The following HRC variants were observed in gnomAD, a reference collection of about 807,000 sequenced individuals.
HRC encodes the protein histidine rich calcium binding protein.
HRC carries 41 observed loss-of-function variants against 61.4 expected under a neutral mutation model. That is an observed-to-expected ratio of 0.67 (90% CI 0.52 to 0.87). The LOEUF is 0.87. Ranked by LOEUF, HRC falls within the 40% of genes least tolerant of loss-of-function variation. The pLI, the probability that HRC is intolerant of heterozygous loss-of-function variation, is 0.00. For synonymous variants in HRC, 308 were observed against 326.6 expected (o/e 0.94, Z 0.62); for missense variants, 839 against 885.8 (o/e 0.95, Z 0.67).
In HRC at chr19:49,155,120, G is replaced by T; in HGVS notation, c.118C>A (p.Arg40=). 6.2e-7 allele frequency: 1 copy of T among 1,614,064 alleles called. No individual in the cohort carries two copies. The highest frequency in any genetic ancestry group is 8.5e-7 in the Non-Finnish European group (1 of 1,180,028). The part of the protein sequence containing the change: ...LRGDGLGFRN[R]NNSTGVAGLS... ...CCGGCGACTCCAGTGCTGTTGTTCC[G>T]GTTTCTGAAGCCTAGCCCATCCCCT... Residue 40 remains arginine, a synonymous_variant, in exon 1 of 6, where the codon CGG becomes AGG. Coordinates refer to ENST00000252825, the MANE Select transcript of HRC (RefSeq NM_002152.3). The surrounding 1 kb of genome is among the most constrained non-coding windows in gnomAD (Gnocchi z 4.7).
At position 49,153,520 on chromosome 19, in the gene HRC, T is replaced by C; in HGVS notation, c.1718A>G (p.Glu573Gly). Residue 573 changes from glutamate to glycine, a missense_variant, in exon 1 of 6, where the codon GAG becomes GGG. Physicochemically the swap from Glu to Gly is moderately conservative, Grantham distance 98. Transcript: ENST00000252825. The surrounding 1 kb of genome is among the most constrained non-coding windows in gnomAD (Gnocchi z 4.8). ...CTCATCTTCCTCCAGCCCCTCCTCC[T>C]CCTCCTCTTCCTCCTCGCTGTGGTC... ...SPDHSEEEEE[E>G]EEGLEEDEPR... is the part of the protein sequence containing the mutation. 2 of 1,578,966 alleles carry C rather than the reference T, an allele frequency of 1.3e-6. No homozygotes were observed. Among genetic ancestry groups the C allele is most frequent in the Non-Finnish European group, 1.7e-6 (2 of 1,162,398 alleles).
Position 49,153,630 on chromosome 19 carries a change from T to G in HRC, c.1608A>C (p.Glu536Asp). 6.4e-7 allele frequency: 1 copy of G among 1,555,802 alleles called. No individual in the cohort carries two copies. Among genetic ancestry groups the G allele is most frequent in the South Asian group, 1.1e-5 (1 of 89,516 alleles). ...HGLSLNQEEEEEEDKEEEEEE... is the reference protein window; with the variant it reads ...HGLSLNQEEEDEEDKEEEEEE... ...CCTCCTCCTCCTCCTTGTCTTCCTC[T>G]TCTTCCTCCTCCTGGTTCAGGCTGA... Residue 536 changes from glutamate (E) to aspartate (D), a missense_variant, in exon 1 of 6, where the codon GAA becomes GAC. Transcript: ENST00000252825. This position sits in a 1 kb window ranked among gnomAD's most constrained non-coding sequence, Gnocchi z 4.8.
At position 49,155,167 on chromosome 19, in the gene HRC, G is replaced by T; in HGVS notation, c.71C>A (p.Pro24Gln). 1.2e-6 allele frequency: 2 copies of T among 1,610,290 alleles called. No individual in the cohort carries two copies. The highest frequency in any genetic ancestry group is 1.1e-5 in the South Asian group (1 of 90,860). The change falls in exon 1 of 6, where the codon CCG becomes CAG. Residue 24 changes from proline (P) to glutamine (Q), a missense_variant. Coordinates refer to ENST00000252825, the MANE Select transcript of HRC (RefSeq NM_002152.3). The surrounding 1 kb of genome is among the most constrained non-coding windows in gnomAD (Gnocchi z 4.7). ...WAGVASLLLP[P>Q]AMTQQLRGDG... ...CCCTCTGAGCTGCTGGGTCATGGCCGGGGGGAGGAGCAGGCTGGCCACCCC... is the reference window on the plus strand; with the variant it reads ...CCCTCTGAGCTGCTGGGTCATGGCCTGGGGGAGGAGCAGGCTGGCCACCCC...
In HRC at chr19:49,154,004, T is replaced by G. The variant is rs924441622; in HGVS notation, c.1234A>C (p.Thr412Pro). 5 of 1,613,570 alleles carry G rather than the reference T, an allele frequency of 3.1e-6. No homozygotes were observed. The highest frequency in any genetic ancestry group is 1.3e-5 in the African/African-American group (1 of 74,728). ...TGGTGGTGATGGTGAGGGACTTCTG[T>G]TTTATACTCATCTTGGAAGTCCTCT... Reference protein sequence around the residue: ...DEEDFQDEYKTEVPHHHHHRV... With the variant: ...DEEDFQDEYKPEVPHHHHHRV... The change falls in exon 1 of 6, where the codon ACA becomes CCA. Residue 412 changes from threonine to proline, a missense_variant. Physicochemically the swap from Thr to Pro is conservative, Grantham distance 38 (BLOSUM62 -1). Coordinates refer to ENST00000252825, the MANE Select transcript of HRC (RefSeq NM_002152.3).
In HRC at chr19:49,154,723, T is replaced by C. The variant is rs765612523; in HGVS notation, c.515A>G (p.Glu172Gly). The C allele has an allele frequency of 6.2e-7, 1 of 1,613,950 alleles. No individual in the cohort carries two copies. Among genetic ancestry groups the C allele is most frequent in the Non-Finnish European group, 8.5e-7 (1 of 1,180,024 alleles). The part of the protein sequence containing the change: ...DEDEDEVVSS[E>G]HHHHILRHGH... ...ATGCCTGAGGATATGATGGTGATGC[T>C]CACTGGACACAACTTCATCCTCATC... Residue 172 changes from glutamate to glycine, a missense_variant, in exon 1 of 6, where the codon GAG (glutamate) becomes GGG (glycine). Transcript: ENST00000252825.
rs1288109629 is a variant in HRC, at chr19:49,151,569, GAA to G, written c.2027-18_2027-17del. 3 of 1,613,090 alleles carry G rather than the reference GAA, an allele frequency of 1.9e-6. No homozygotes were observed. The highest frequency in any genetic ancestry group is 2.5e-6 in the Non-Finnish European group (3 of 1,179,902). ...ACGTAGCTTCCTGTGGGACAGCAGA[GAA>G]AAGAGGCTTGAGGGGTACTGCACGA... On this transcript the variant is annotated splice_polypyrimidine_tract_variant and intron_variant, in intron 4 of 5. Coordinates refer to ENST00000252825, the MANE Select transcript of HRC (RefSeq NM_002152.3).
Position 49,154,727 on chromosome 19 carries a change from TG to T in HRC, c.510del (p.Ser171ValfsTer204). 4 of 1,613,918 alleles carry T rather than the reference TG, an allele frequency of 2.5e-6. No individual in the cohort carries two copies. Among genetic ancestry groups the T allele is most frequent in the Non-Finnish European group, 3.4e-6 (4 of 1,179,964 alleles). The stretch of plus-strand genomic sequence containing the variant: ...CTGAGGATATGATGGTGATGCTCAC[TG>T]GACACAACTTCATCCTCATCCTCGT... ...HQDEDEDEVV[S>X]SEHHHHILRH... On this transcript the variant is annotated frameshift_variant, in exon 1 of 6. Transcript: ENST00000252825. LOFTEE classifies it high-confidence loss of function.
chr19:49,154,497 G>A lies in HRC; in HGVS notation c.741C>T (p.Asp247=), dbSNP rs567490515. The change falls in exon 1 of 6, where the codon GAC becomes GAT. Residue 247 remains aspartate (D), a synonymous_variant. Coordinates refer to ENST00000252825, the MANE Select transcript of HRC (RefSeq NM_002152.3). ...CATCATCATCATCATCATCATCATC[G>A]TCATCTTCTTCATGGCCTTGGTGCC... The part of the protein sequence containing the change: ...SHRHQGHEED[D]DDDDDDDDDD... 26 of 1,519,566 alleles carry A rather than the reference G, an allele frequency of 1.7e-5. No homozygotes were observed. The highest frequency in any genetic ancestry group is 1.4e-4 in the Admixed American group (8 of 55,270). 94.1% of individuals were successfully genotyped at this position (1,519,566 alleles called of 1,614,324 possible). A position where few individuals can be genotyped will look rare whatever the true frequency, so the allele number is the denominator to read the frequency against.
chr19:49,152,584 T>G (rs950520899), intron 2 of HRC, among the ~76,000 whole-genome samples: 3 of 151,454 alleles, frequency 2.0e-5, no homozygotes, highest in Non-Finnish European at 4.4e-5. Context: ...TCCTTTTTTT[T>G]CTTGAGGCGG....
At position 49,152,389 on chromosome 19, in the gene HRC, G is replaced by C. The variant is rs2041369970; in HGVS notation, c.1903-11C>G. On this transcript the variant is annotated splice_polypyrimidine_tract_variant and intron_variant, in intron 2 of 5. Transcript: ENST00000252825. Reference sequence around the variant, plus strand: ...ACATTCAGTGCATCGCTGGGGACCGGGGGAGCCTGGTTAGATGGAAACTCT... The same window carrying C: ...ACATTCAGTGCATCGCTGGGGACCGCGGGAGCCTGGTTAGATGGAAACTCT... 4 of 1,612,296 alleles carry C rather than the reference G, an allele frequency of 2.5e-6. No homozygotes were observed. The South Asian group carries it at 4.4e-5, about 18-fold the overall frequency.
chr19:49,154,744 T>C lies in HRC; in HGVS notation c.494A>G (p.Glu165Gly), dbSNP rs1369569939. Residue 165 changes from glutamate (E) to glycine (G), a missense_variant, in exon 1 of 6, where the codon GAG becomes GGG. Glu to Gly is a moderately conservative substitution (Grantham distance 98). Coordinates refer to ENST00000252825, the MANE Select transcript of HRC (RefSeq NM_002152.3). ...HRSHSHQDED[E>G]DEVVSSEHHH... is the part of the protein sequence containing the mutation. Reference sequence around the variant, plus strand: ...ATGCTCACTGGACACAACTTCATCCTCATCCTCGTCTTGATGGCTGTGGCT... The same window carrying C: ...ATGCTCACTGGACACAACTTCATCCCCATCCTCGTCTTGATGGCTGTGGCT... 6.2e-7 allele frequency: 1 copy of C among 1,614,044 alleles called. No individual in the cohort carries two copies. Among genetic ancestry groups the C allele is most frequent in the Non-Finnish European group, 8.5e-7 (1 of 1,180,034 alleles).
Position 49,154,122 on chromosome 19 carries a change from G to A in HRC, c.1116C>T (p.Gly372=), listed in dbSNP as rs1239170604. 12 of 1,614,102 alleles carry A rather than the reference G, an allele frequency of 7.4e-6. No homozygotes were observed. Among genetic ancestry groups the A allele is most frequent in the Non-Finnish European group, 1.0e-5 (12 of 1,180,014 alleles). ...CTTCTTCCTCTTCCTCATCTACAAG[G>A]CCATGGTGGACATGTTGGGGACCCT... The part of the protein sequence containing the change: ...WHQGPQHVHH[G]LVDEEEEEEE... Residue 372 remains glycine, a synonymous_variant, in exon 1 of 6, where the codon GGC becomes GGT. Coordinates refer to ENST00000252825, the MANE Select transcript of HRC (RefSeq NM_002152.3).
At position 49,153,336 on chromosome 19, in the gene HRC, G is replaced by A. The variant is rs200937338; in HGVS notation, c.1832-5C>T. 5.3e-5 allele frequency: 86 copies of A among 1,613,384 alleles called. No individual in the cohort carries two copies. Among genetic ancestry groups the A allele is most frequent in the East Asian group, 3.1e-4 (14 of 44,858 alleles). On this transcript the variant is annotated splice_region_variant and splice_polypyrimidine_tract_variant and intron_variant, in intron 1 of 5. Transcript: ENST00000252825. The surrounding 1 kb of genome is among the most constrained non-coding windows in gnomAD (Gnocchi z 4.8). ...ACTCCTGAGCATCCTGTGGACCTGC[G>A]GGGACAGGAGGGCAGCAGTGACCCA...
Position 49,154,453 on chromosome 19 carries a change from A to ACATCAT in HRC, c.779_784dup (p.Asp260_Asp261dup), listed in dbSNP as rs61355957. The ACATCAT allele has an allele frequency of 5.3e-3, 8,206 of 1,558,716 alleles. 20 individuals carry two copies. The highest frequency in any genetic ancestry group is 0.022 in the South Asian group (1,939 of 87,324). On this transcript the variant is annotated inframe_insertion, in exon 1 of 6. Transcript: ENST00000252825. ...AGCCTGGTGTCTATATTCAATGGAG[A>ACATCAT]CATCATCATCATCATCATCATCATC...
At position 49,155,323 on chromosome 19, in the gene HRC, C is replaced by CT. The variant is rs1568446733; in HGVS notation, c.-87dup. 8 of 1,454,836 alleles carry CT rather than the reference C, an allele frequency of 5.5e-6. No homozygotes were observed. Among genetic ancestry groups the CT allele is most frequent in the Non-Finnish European group, 7.2e-6 (8 of 1,110,330 alleles). 90.1% of individuals were successfully genotyped at this position (1,454,836 alleles called of 1,614,324 possible). A position where few individuals can be genotyped will look rare whatever the true frequency, so the allele number is the denominator to read the frequency against. On this transcript the variant is annotated 5_prime_UTR_variant, in exon 1 of 6. Transcript: ENST00000252825. This position sits in a 1 kb window ranked among gnomAD's most constrained non-coding sequence, Gnocchi z 4.7. ...GTCTTTGTCCCTTTGGGGTTGGTCTCTTTTTTTCTCTGTGTCTCTCCTTTG... is the reference window on the plus strand; with the variant it reads ...GTCTTTGTCCCTTTGGGGTTGGTCTCTTTTTTTTCTCTGTGTCTCTCCTTTG...
chr19:49,154,205 G>C lies in HRC; in HGVS notation c.1033C>G (p.His345Asp). The C allele has an allele frequency of 6.2e-7, 1 of 1,613,916 alleles. No individual in the cohort carries two copies. The highest frequency in any genetic ancestry group is 1.3e-5 in the African/African-American group (1 of 74,970). Residue 345 changes from histidine to aspartate, a missense_variant, in exon 1 of 6, where the codon CAC becomes GAC. Coordinates refer to ENST00000252825, the MANE Select transcript of HRC (RefSeq NM_002152.3). ...EHHHHVPDHR[H>D]QGHRDEEEDE... ...TCTTCCTCGTCTCTGTGGCCTTGGTGCCTGTGGTCAGGGACATGATGGTGG... is the reference window on the plus strand; with the variant it reads ...TCTTCCTCGTCTCTGTGGCCTTGGTCCCTGTGGTCAGGGACATGATGGTGG...
rs779921266 is a variant in HRC, at chr19:49,154,281, G to T, written c.957C>A (p.His319Gln). ...DVSTEYGHQA[H>Q]RHQDHRKEEV... ...CTTCCTTTCTGTGGTCTTGGTGCCTGTGGGCCTGGTGTCCATACTCAGTGG... is the reference window on the plus strand; with the variant it reads ...CTTCCTTTCTGTGGTCTTGGTGCCTTTGGGCCTGGTGTCCATACTCAGTGG... The change falls in exon 1 of 6, where the codon CAC becomes CAA. Residue 319 changes from histidine (H) to glutamine (Q), a missense_variant. Transcript: ENST00000252825. 3 of 1,613,714 alleles carry T rather than the reference G, an allele frequency of 1.9e-6. No individual in the cohort carries two copies. The highest frequency in any genetic ancestry group is 1.7e-6 in the Non-Finnish European group (2 of 1,179,854).
rs376579842 is a variant in HRC at position 49,154,388 on chromosome 19, C to T, written c.850G>A (p.Val284Ile). 1 of 1,612,400 alleles carries T rather than the reference C, an allele frequency of 6.2e-7. No homozygotes were observed. The highest frequency in any genetic ancestry group is 1.7e-5 in the Admixed American group (1 of 59,884). The change falls in exon 1 of 6, where the codon GTC (valine) becomes ATC (isoleucine). Residue 284 changes from valine (V) to isoleucine (I), a missense_variant. By Grantham distance (29) the Val-to-Ile change is conservative. Transcript: ENST00000252825. ...TCGCGATGATGGTGTCCATCTGAGA[C>T]ATCTTCATCCTCTTCAATCCCGTGG... ...QGHGIEEDED[V>I]SDGHHHRDPS... is the part of the protein sequence containing the mutation.
Position 49,153,888 on chromosome 19 carries a change from A to G in HRC, c.1350T>C (p.Thr450=). 1 of 1,613,548 alleles carries G rather than the reference A, an allele frequency of 6.2e-7. No homozygotes were observed. Reference sequence around the variant, plus strand: ...TGATGGACCCTCTTTGACCATGGCCAGTTTCTTCATCTTGGTGGCTTTGCC... The same window carrying G: ...TGATGGACCCTCTTTGACCATGGCCGGTTTCTTCATCTTGGTGGCTTTGCC... ...SHRQSHQDEE[T]GHGQRGSIKE... The change falls in exon 1 of 6, where the codon ACT becomes ACC. Residue 450 remains threonine, a synonymous_variant. Transcript: ENST00000252825. The surrounding 1 kb of genome is among the most constrained non-coding windows in gnomAD (Gnocchi z 4.8).
Sources: gnomAD v4.1 joint callset for allele counts (sites outside exome capture counted in the v4.1 genomes callset) on GRCh38, gnomAD v4.1.1 for gene constraint, Gnocchi (gnomAD v3.1) non-coding constraint, MANE v1.5 for transcripts, NCBI Gene and HGNC (gene_info 2026-07-23, HGNC 2026-07-21) for gene names.